The following FBN3 variants were observed in gnomAD, a reference collection of about 807,000 sequenced individuals.
FBN3 encodes fibrillin-3.
In FBN3, 234 loss-of-function variants were observed where a neutral mutation model predicts 330.1. The ratio of observed to expected loss-of-function variants is 0.71; its 90% CI spans 0.64 to 0.79. FBN3 has a LOEUF of 0.79. Ranked by LOEUF, FBN3 falls within the 30% of genes least tolerant of loss-of-function variation. The pLI, the probability that FBN3 is intolerant of heterozygous loss-of-function variation, is 0.00. For synonymous variants in FBN3, 1,458 were observed against 1,517.3 expected (o/e 0.96, Z 0.91); for missense variants, 3,606 against 3,886.9 (o/e 0.93, Z 1.92).
At chr19:8,107,550 C>G (rs570972070) in intron 37 of FBN3, among the ~76,000 whole-genome samples, 1 of 107,334 alleles carries the variant, frequency 9.3e-6, no homozygotes, top group South Asian at 3.4e-4. Context: ...GATGGATGGT[C>G]GGGTGGAAGG....
rs745645966 is a variant in FBN3 at position 8,066,255 on chromosome 19, G to A, written c.8094C>T (p.Asn2698=). 1.3e-6 allele frequency: 2 copies of A among 1,549,860 alleles called. No homozygotes were observed. The highest frequency in any genetic ancestry group is 1.7e-6 in the Non-Finnish European group (2 of 1,144,762). ...RRSAHRDHQV[N]LATLDSEALL... is the part of the protein sequence containing the mutation. ...GGGCCTCGGAGTCAAGGGTGGCCAG[G>A]TTCACCTGGGAAGAAAGGCCAGGTG... is the stretch of plus-strand genomic sequence containing the variant. Residue 2698 remains asparagine, a synonymous_variant, in exon 64 of 64, where the codon AAC becomes AAT. Transcript: ENST00000600128.
intron 59 of FBN3, among the ~76,000 whole-genome samples, chr19:8,079,869 C>T (rs756713964): frequency 2.0e-5 from 3 of 152,204 alleles, no homozygotes; most frequent in Non-Finnish European, 4.4e-5. Context: ...GGATTACAGG[C>T]ATGAGCTACC....
chr19:8,125,487 T>A (rs776286166), intron 22 of FBN3, among the ~76,000 whole-genome samples: 5 of 151,774 alleles, frequency 3.3e-5, no homozygotes, highest in Non-Finnish European at 7.4e-5. Context: ...TCCCAAAGGA[T>A]GCCTGAAATC....
intron 34 of FBN3, among the ~76,000 whole-genome samples, chr19:8,110,186 G>C (rs375248464): frequency 5.9e-5 from 9 of 152,148 alleles, no homozygotes; most frequent in African/African-American, 2.2e-4. Flanking sequence ...CTTTGGAGTA[G>C]CTGGGACTAC....
intron 13 of FBN3, among the ~76,000 whole-genome samples, chr19:8,134,651 T>C (rs1599427510): frequency 6.6e-6 from 1 of 152,008 alleles, no homozygotes; most frequent in Non-Finnish European, 1.5e-5. Flanking sequence ...AATAAATACA[T>C]GGCCGGGCGC....
rs554717622 is a variant in FBN3 at position 8,140,436 on chromosome 19, C to A, written c.865+1281G>T. On this transcript the variant is annotated intron_variant, in intron 8 of 63. Transcript: ENST00000600128. Reference sequence around the variant, plus strand: ...CCGAGATCGTGCCATTGCACTCCAGCCTGGGGGACAGAGTAAGAATGTGTT... The same window carrying A: ...CCGAGATCGTGCCATTGCACTCCAGACTGGGGGACAGAGTAAGAATGTGTT... 3.0e-4 allele frequency among the ~76,000 whole-genome samples: 46 copies of A among 152,276 alleles called. No homozygotes were observed. The Middle Eastern group carries it at 0.01, about 34-fold the overall frequency.
intron 59 of FBN3, among the ~76,000 whole-genome samples, chr19:8,077,456 T>C (rs759390263): frequency 1.5e-4 from 23 of 151,898 alleles, no homozygotes; most frequent in African/African-American, 4.3e-4. Flanking sequence ...CTGACCAGCA[T>C]AGTGAAACCC....
At chr19:8,126,441 C>G in intron 20 of FBN3, 27 bp downstream of exon 20, 1 of 1,604,514 alleles carries the variant, frequency 6.2e-7, no homozygotes, top group Non-Finnish European at 8.5e-7. Context: ...CCCATGGGTG[C>G]CTGGGAGGCC....
intron 14 of FBN3, among the ~76,000 whole-genome samples, chr19:8,132,770 G>A (rs941376993): frequency 6.6e-5 from 10 of 152,174 alleles, no homozygotes; most frequent in Non-Finnish European, 1.5e-4. Flanking sequence ...GGGACTACAG[G>A]CGTGAGCCAC....
intron 16 of FBN3, among the ~76,000 whole-genome samples, chr19:8,130,982 C>G (rs1399720682): frequency 6.6e-6 from 1 of 152,210 alleles, no homozygotes; most frequent in Non-Finnish European, 1.5e-5. Flanking sequence ...GGAGCCACCA[C>G]CAGAAGCTGG....
At chr19:8,143,915 T>C (rs894824752) in intron 6 of FBN3, among the ~76,000 whole-genome samples, 2 of 151,566 alleles carry the variant, frequency 1.3e-5, no homozygotes, top group African/African-American at 4.9e-5. Context: ...ACTCCTGGGC[T>C]CATGCAATCC....
chr19:8,088,195 G>T lies in FBN3; in HGVS notation c.6377-16C>A. ...TCGTCTGTGTCTGGGTGGGAGTAAG[G>T]GGGTGGTCAGCACCTGCAGAGGGTC... On this transcript the variant is annotated splice_polypyrimidine_tract_variant and intron_variant, in intron 51 of 63. Transcript: ENST00000600128. The T allele has an allele frequency of 1.3e-6, 2 of 1,575,764 alleles. No homozygotes were observed. Among genetic ancestry groups the T allele is most frequent in the South Asian group, 1.2e-5 (1 of 85,028 alleles).
chr19:8,128,318 C>T (rs1378377091), intron 18 of FBN3, among the ~76,000 whole-genome samples: 1 of 152,076 alleles, frequency 6.6e-6, no homozygotes, highest in African/African-American at 2.4e-5. Context: ...AATCCCAGCA[C>T]TTTGGGAGGC....
At chr19:8,145,680 CAAAAAAAA>C (rs56250248) in intron 5 of FBN3, among the ~76,000 whole-genome samples, 155 bp downstream of exon 5, 1 of 108,742 alleles carries the variant, frequency 9.2e-6, no homozygotes, top group Non-Finnish European at 1.8e-5. Flanking sequence ...GACTCTGTCT[CAAAAAAAA>C]AAAAAAAAAA....
rs1367525978 is a variant in FBN3, at chr19:8,081,591, C to T, written c.7214-111G>A. 4 of 1,261,256 alleles carry T rather than the reference C, an allele frequency of 3.2e-6. No homozygotes were observed. In the East Asian group the frequency reaches 9.8e-5, roughly 31 times the overall value. The allele number at this position is 1,261,256 out of a possible 1,614,324, so 78.1% of individuals were successfully genotyped here. A position where few individuals can be genotyped will look rare whatever the true frequency, so the allele number is the denominator to read the frequency against. ...CGACCATCTGAAATCTGTGGACTTA[C>T]ACAGGAATGAACACTTCTTTCTGCA... On this transcript the variant is annotated intron_variant, in intron 57 of 63. Transcript: ENST00000600128.
intron 20 of FBN3, 57 bp downstream of exon 20, chr19:8,126,411 C>A (rs1487994112): frequency 1.9e-6 from 3 of 1,590,148 alleles, no homozygotes; most frequent in African/African-American, 1.3e-5. Context: ...AAGGGGGGAC[C>A]CGCCCCATGG....
rs200735232 is a variant in FBN3 at position 8,136,228 on chromosome 19, G to C, written c.1427C>G (p.Pro476Arg). The C allele has an allele frequency of 1.2e-6, 2 of 1,611,862 alleles. No homozygotes were observed. Among genetic ancestry groups the C allele is most frequent in the African/African-American group, 1.3e-5 (1 of 74,920 alleles). ...IPGTYHCRCY[P>R]GFQATPTRQA... is the part of the protein sequence containing the mutation. ...CCTGGTGGGCGTGGCCTGGAAGCCC[G>C]GGTAGCACCGGCAGTGGTAGGTGCC... The change falls in exon 12 of 64, where the codon CCG (proline) becomes CGG (arginine). Residue 476 changes from proline (P) to arginine (R), a missense_variant. Pro to Arg is a moderately radical substitution (Grantham distance 103). Transcript: ENST00000600128.
intron 30 of FBN3, among the ~76,000 whole-genome samples, chr19:8,113,462 C>T (rs954426161): frequency 6.6e-6 from 1 of 152,156 alleles, no homozygotes; most frequent in Non-Finnish European, 1.5e-5. Context: ...AACACCTGAG[C>T]TCAAGAATCC....
At chr19:8,088,673 G>A (rs1044766789) in intron 51 of FBN3, among the ~76,000 whole-genome samples, 2 of 152,154 alleles carry the variant, frequency 1.3e-5, no homozygotes, top group African/African-American at 4.8e-5. Flanking sequence ...ATGAACAAGA[G>A]GGCAAATGAG....
Sources: gnomAD v4.1 joint callset for allele counts (sites outside exome capture counted in the v4.1 genomes callset) on GRCh38, gnomAD v4.1.1 for gene constraint, MANE v1.5 for transcripts, NCBI Gene and HGNC (gene_info 2026-07-23, HGNC 2026-07-21) for gene names.